The following NRXN3 variants were observed in gnomAD, a reference collection of about 807,000 sequenced individuals.
NRXN3 encodes the protein neurexin 3, also known as neurexin III.
Under a neutral mutation model 137.6 loss-of-function variants are expected in NRXN3, and 32 were observed. That is an observed-to-expected ratio of 0.23 (90% confidence interval 0.18 to 0.31). NRXN3 has a LOEUF of 0.31. Among genes scored for constraint, NRXN3 ranks in the 10% least tolerant of loss-of-function variants. The pLI, the probability that NRXN3 is intolerant of heterozygous loss-of-function variation, is 1.00. For missense variants in NRXN3, 1,574 were observed against 2,062.5 expected (o/e 0.76, Z 4.59); for synonymous variants, 798 against 784.5 (o/e 1.02, Z -0.29).
intron 15 of NRXN3, among the ~76,000 whole-genome samples, chr14:79,261,043 T>C (rs183966114): frequency 1.3e-5 from 2 of 152,002 alleles, no homozygotes; most frequent in African/African-American, 4.8e-5. Flanking sequence ...TGAGAGGAGA[T>C]TCAAAGGTAA....
At chr14:78,809,808 A>T (rs547993309) in intron 9 of NRXN3, among the ~76,000 whole-genome samples, 3 of 152,210 alleles carry the variant, frequency 2.0e-5, no homozygotes, top group Non-Finnish European at 4.4e-5. Context: ...TAAATGATAC[A>T]ATCAGTCAGA....
intron 19 of NRXN3, among the ~76,000 whole-genome samples, chr14:79,724,119 A>G (rs891375130): frequency 1.3e-5 from 2 of 152,164 alleles, no homozygotes; most frequent in Non-Finnish European, 2.9e-5. Flanking sequence ...AAAGTGTGAT[A>G]CTTCACATGT....
intron 16 of NRXN3, among the ~76,000 whole-genome samples, chr14:79,610,568 CA>C (rs1415834866): frequency 1.3e-5 from 2 of 152,194 alleles, no homozygotes; most frequent in African/African-American, 4.8e-5. Flanking sequence ...GGTCAGAAAG[CA>C]TTTCTCATGT....
chr14:78,418,579 C>T (rs1379950050), intron 4 of NRXN3, among the ~76,000 whole-genome samples: 1 of 152,156 alleles, frequency 6.6e-6, no homozygotes, highest in Non-Finnish European at 1.5e-5. Context: ...AGCTTGGAAA[C>T]ATGTCAGAGT....
chr14:79,277,446 G>T (rs1019616350), intron 15 of NRXN3, among the ~76,000 whole-genome samples: 3 of 152,188 alleles, frequency 2.0e-5, no homozygotes, highest in African/African-American at 7.2e-5. Flanking sequence ...AGGATATTAA[G>T]AATTTTTTCT....
intron 15 of NRXN3, among the ~76,000 whole-genome samples, chr14:79,196,128 T>C (rs2065096965): frequency 6.6e-6 from 1 of 152,182 alleles, no homozygotes; most frequent in South Asian, 2.1e-4. Flanking sequence ...CTGCATCACA[T>C]TTCACTGTCT....
intron 19 of NRXN3, among the ~76,000 whole-genome samples, chr14:79,774,422 C>T (rs2099090201): frequency 6.6e-6 from 1 of 152,150 alleles, no homozygotes; most frequent in Non-Finnish European, 1.5e-5. Flanking sequence ...CCTCTCATTT[C>T]TATATAATAA....
intron 4 of NRXN3, among the ~76,000 whole-genome samples, chr14:78,429,699 T>A (rs1021312044): frequency 1.3e-5 from 2 of 152,166 alleles, no homozygotes; most frequent in Non-Finnish European, 2.9e-5. Flanking sequence ...CCTGCTTTAA[T>A]AGGGTCTGTG....
chr14:79,267,441 C>A (rs1046223404), intron 15 of NRXN3, among the ~76,000 whole-genome samples: 1 of 151,840 alleles, frequency 6.6e-6, no homozygotes. Context: ...TCACTGCAAC[C>A]TGCACCTCCC....
chr14:78,763,063 C>A (rs1008936477), intron 8 of NRXN3, among the ~76,000 whole-genome samples: 1 of 152,238 alleles, frequency 6.6e-6, no homozygotes, highest in Admixed American at 6.5e-5. Flanking sequence ...GTAAGGGTGG[C>A]AGGGACTACA....
At chr14:79,107,222 C>T (rs2052615824) in intron 15 of NRXN3, among the ~76,000 whole-genome samples, 1 of 152,088 alleles carries the variant, frequency 6.6e-6, no homozygotes, top group South Asian at 2.1e-4. Flanking sequence ...TGAGGGTACT[C>T]AGGACTTGAG....
intron 4 of NRXN3, among the ~76,000 whole-genome samples, chr14:78,327,677 G>T (rs1286098408): frequency 6.6e-6 from 1 of 152,116 alleles, no homozygotes; most frequent in East Asian, 1.9e-4. Flanking sequence ...TAGATACTGG[G>T]CATATAGCAG....
At chr14:79,766,182 T>C (rs2099055407) in intron 19 of NRXN3, among the ~76,000 whole-genome samples, 2 of 152,176 alleles carry the variant, frequency 1.3e-5, no homozygotes, top group African/African-American at 2.4e-5. Context: ...TCTGTGTGCT[T>C]GTCTAATTAT....
intron 4 of NRXN3, among the ~76,000 whole-genome samples, chr14:78,638,213 G>A (rs548730794): frequency 2.6e-5 from 4 of 152,296 alleles, no homozygotes; most frequent in Non-Finnish European, 5.9e-5. Context: ...TCTTTCCTAC[G>A]GAGAGTCTGA....
At chr14:79,736,348 C>T (rs116895215) in intron 19 of NRXN3, among the ~76,000 whole-genome samples, 256 of 152,232 alleles carry the variant, frequency 1.7e-3, no homozygotes, top group Non-Finnish European at 2.7e-3. Flanking sequence ...TAACTTTAAA[C>T]ATTTCTTGAT....
In NRXN3 at chr14:79,365,725, C is replaced by CAAAAAAAAAAAAAAAAAAA. The variant is rs569855024; in HGVS notation, c.3263-101495_3263-101477dup. ...TGGGCGACAGAGCGAGACTCTGTCT[C>CAAAAAAAAAAAAAAAAAAA]AAAAAAAAAAAAAAAAAAAGAAAAA... On this transcript the variant is annotated intron_variant, in intron 15 of 20. Coordinates refer to ENST00000335750, the MANE Select transcript of NRXN3 (RefSeq NM_001330195.2). Among the ~76,000 whole-genome samples, 42 of 42,328 alleles carry CAAAAAAAAAAAAAAAAAAA rather than the reference C, an allele frequency of 9.9e-4. 2 individuals carry two copies. Among genetic ancestry groups the CAAAAAAAAAAAAAAAAAAA allele is most frequent in the Non-Finnish European group, 1.2e-3 (30 of 24,002 alleles). The allele number at this position is 42,328 out of a possible 152,430, so 27.8% of individuals were successfully genotyped here.
chr14:79,535,604 G>T (rs2097204173), intron 16 of NRXN3, among the ~76,000 whole-genome samples: 1 of 151,952 alleles, frequency 6.6e-6, no homozygotes, highest in Non-Finnish European at 1.5e-5. Flanking sequence ...ATTAATACCT[G>T]TTATACATTG....
chr14:78,838,275 TATG>T (rs2099002497), intron 10 of NRXN3, among the ~76,000 whole-genome samples: 1 of 152,226 alleles, frequency 6.6e-6, no homozygotes, highest in Non-Finnish European at 1.5e-5. Context: ...CTTTTAAATC[TATG>T]ATAAGATTAA....
intron 4 of NRXN3, among the ~76,000 whole-genome samples, chr14:78,456,850 T>TTTCTTTCTTTCTTTC (rs2094738125): frequency 7.5e-6 from 1 of 133,918 alleles, no homozygotes; most frequent in African/African-American, 2.5e-5. Flanking sequence ...TCTTTCTTTC[T>TTTCTTTCTTTCTTTC]TTCTTTTTCT....
Sources: gnomAD v4.1 joint callset for allele counts (sites outside exome capture counted in the v4.1 genomes callset) on GRCh38, gnomAD v4.1.1 for gene constraint, MANE v1.5 for transcripts, NCBI Gene and HGNC (gene_info 2026-07-23, HGNC 2026-07-21) for gene names.